Variants in RNF216 observed in about 807,000 individuals in gnomAD.
RNF216 encodes the protein ring finger protein 216.
A neutral mutation model predicts 110.8 loss-of-function variants in RNF216; 72 were observed. The ratio of observed to expected loss-of-function variants is 0.65; its 90% CI spans 0.54 to 0.79. The LOEUF is 0.79. Ranked by LOEUF, RNF216 falls within the 30% of genes least tolerant of loss-of-function variation. The pLI is 0.00. For missense variants in RNF216, 1,342 were observed against 1,141.2 expected (o/e 1.18, Z -2.54); for synonymous variants, 495 against 407.5 (o/e 1.21, Z -2.59).
At chr7:5,771,856 GCT>G (rs1436525189) in intron 1 of RNF216, among the ~76,000 whole-genome samples, 2 of 151,980 alleles carry the variant, frequency 1.3e-5, no homozygotes, top group African/African-American at 2.4e-5. Context: ...ATTAACAACG[GCT>G]GAGTACCCCG....
chr7:5,664,291 T>C (rs1268610468), intron 13 of RNF216, among the ~76,000 whole-genome samples: 1 of 152,208 alleles, frequency 6.6e-6, no homozygotes, highest in Non-Finnish European at 1.5e-5. Flanking sequence ...TATACGACCC[T>C]TTCAGGTTAA....
chr7:5,740,013 C>A (rs1218452760), intron 4 of RNF216, among the ~76,000 whole-genome samples: 76 of 126,444 alleles, frequency 6.0e-4, no homozygotes, highest in Middle Eastern at 4.0e-3. Context: ...AAAAAAAAAA[C>A]AAACCAAAAA....
rs77480997 is a variant in RNF216, at chr7:5,680,287, C to T, written c.2062-27777G>A. 7.9e-3 allele frequency: 1,198 copies of T among 152,444 alleles called. 18 individuals carry two copies. The highest frequency in any genetic ancestry group is 0.028 in the African/African-American group (1,149 of 41,554). The allele number at this position is 152,444 out of a possible 1,614,324, so 9.4% of individuals were successfully genotyped here. ...ACAGGGAAGTGGTTCCTTTGTCCCC[C>T]GCCCTGCCCCCAGCTAGCTCTGTCA... On this transcript the variant is annotated intron_variant, in intron 13 of 16. Coordinates refer to ENST00000389902, the MANE Select transcript of RNF216 (RefSeq NM_207111.4). The surrounding 1 kb of genome is among the most constrained non-coding windows in gnomAD (Gnocchi z 4.3).
At chr7:5,683,592 G>T (rs574746720) in intron 13 of RNF216, among the ~76,000 whole-genome samples, 2 of 152,320 alleles carry the variant, frequency 1.3e-5, no homozygotes, top group South Asian at 4.1e-4. Flanking sequence ...TGTGATGGGA[G>T]AGAGGTGCCA....
intron 13 of RNF216, among the ~76,000 whole-genome samples, chr7:5,658,612 A>C (rs1788895191): frequency 6.6e-6 from 1 of 150,946 alleles, no homozygotes; most frequent in Non-Finnish European, 1.5e-5. Context: ...AGCTATGATC[A>C]AGCTACTGCA....
chr7:5,733,580 C>T (rs1295010529), intron 5 of RNF216, among the ~76,000 whole-genome samples: 1 of 150,164 alleles, frequency 6.7e-6, no homozygotes, highest in Non-Finnish European at 1.5e-5. Flanking sequence ...TATAAATGAG[C>T]TAAGTTTATA....
intron 1 of RNF216, among the ~76,000 whole-genome samples, chr7:5,770,024 CAAAAAAAAAAA>C (rs1163710982): frequency 6.6e-4 from 16 of 24,154 alleles, no homozygotes; most frequent in East Asian, 3.7e-3. Flanking sequence ...AGACCCATCT[CAAAAAAAAAAA>C]AAAAAAAAAA....
intron 1 of RNF216, chr7:5,777,678 A>C (rs193243186): frequency 6.6e-6 from 1 of 152,342 alleles, no homozygotes; most frequent in Non-Finnish European, 1.5e-5. Context: ...AGAAAACGAA[A>C]ATTGTGTTAA....
intron 15 of RNF216, among the ~76,000 whole-genome samples, chr7:5,639,402 G>C (rs556521805): frequency 2.0e-5 from 3 of 151,760 alleles, no homozygotes; most frequent in Non-Finnish European, 4.4e-5. Context: ...ACACACTTCT[G>C]TTTTCCTTTT....
At chr7:5,740,743 T>C (rs141291938) in intron 4 of RNF216, among the ~76,000 whole-genome samples, 2 of 152,202 alleles carry the variant, frequency 1.3e-5, no homozygotes, top group East Asian at 3.9e-4. Flanking sequence ...GCCACCATGA[T>C]ATGCAGTTAG....
At chr7:5,626,917 T>C (rs1405680656) in intron 15 of RNF216, among the ~76,000 whole-genome samples, 1 of 152,186 alleles carries the variant, frequency 6.6e-6, no homozygotes, top group African/African-American at 2.4e-5. Flanking sequence ...AGAAGTTTCA[T>C]GAAGAAGTGG....
intron 13 of RNF216, among the ~76,000 whole-genome samples, chr7:5,674,280 T>C (rs147333730): frequency 6.6e-6 from 1 of 151,982 alleles, no homozygotes; most frequent in African/African-American, 2.4e-5. Flanking sequence ...CACCCACCTC[T>C]GCCTCCCAAA....
At chr7:5,658,799 A>C (rs1018505546) in intron 13 of RNF216, among the ~76,000 whole-genome samples, 2 of 152,096 alleles carry the variant, frequency 1.3e-5, no homozygotes, top group Non-Finnish European at 2.9e-5. Flanking sequence ...GCACACATGT[A>C]ACGTACAAAT....
intron 15 of RNF216, among the ~76,000 whole-genome samples, chr7:5,639,758 C>T (rs1275990595): frequency 6.6e-6 from 1 of 151,102 alleles, no homozygotes; most frequent in Non-Finnish European, 1.5e-5. Context: ...CCGTGCCTAG[C>T]CTTAATTTTT....
chr7:5,755,193 G>A (rs576698804), intron 2 of RNF216, among the ~76,000 whole-genome samples: 1 of 133,988 alleles, frequency 7.5e-6, no homozygotes, highest in African/African-American at 2.7e-5. Flanking sequence ...AAGAAGGAAG[G>A]AAGGAAGGGA....
intron 7 of RNF216, among the ~76,000 whole-genome samples, chr7:5,728,681 G>C (rs1793909071): frequency 1.3e-5 from 2 of 152,176 alleles, no homozygotes; most frequent in African/African-American, 4.8e-5. Context: ...CTACAGGTAA[G>C]ACCCAATGAG....
intron 13 of RNF216, among the ~76,000 whole-genome samples, chr7:5,652,932 C>T (rs913750334): frequency 3.9e-5 from 6 of 152,182 alleles, no homozygotes; most frequent in African/African-American, 1.4e-4. Context: ...CTAAAATGCT[C>T]TGGGCCATCT....
Position 5,741,228 on chromosome 7 carries a change from C to T in RNF216, c.789G>A (p.Leu263=). 1 of 1,614,164 alleles carries T rather than the reference C, an allele frequency of 6.2e-7. No homozygotes were observed. Among genetic ancestry groups the T allele is most frequent in the Non-Finnish European group, 8.5e-7 (1 of 1,180,024 alleles). Residue 263 remains leucine, a synonymous_variant, in exon 4 of 17, where the codon TTG becomes TTA. Transcript: ENST00000389902. ...ERQPEAELGR[L]LFQHEFPGPA... is the part of the protein sequence containing the mutation. ...GCCCTGGGAATTCATGCTGAAACAA[C>T]AAGCGGCCCAGTTCTGCTTCAGGCT...
intron 5 of RNF216, among the ~76,000 whole-genome samples, chr7:5,732,138 A>G (rs2128645052): frequency 6.6e-6 from 1 of 152,344 alleles, no homozygotes; most frequent in Non-Finnish European, 1.5e-5. Flanking sequence ...AGAGGGCGAC[A>G]AGAATTCAGA....
Sources: gnomAD v4.1 joint callset for allele counts (sites outside exome capture counted in the v4.1 genomes callset) on GRCh38, gnomAD v4.1.1 for gene constraint, Gnocchi (gnomAD v3.1) non-coding constraint, MANE v1.5 for transcripts, NCBI Gene and HGNC (gene_info 2026-07-23, HGNC 2026-07-21) for gene names.